The following MALRD1 variants were observed in gnomAD, a reference collection of about 807,000 sequenced individuals.
MALRD1 encodes the protein MAM and LDL receptor class A domain containing 1.
Under a neutral mutation model 242.1 loss-of-function variants are expected in MALRD1, and 247 were observed. That is an observed-to-expected ratio of 1.02 (90% CI 0.92 to 1.13). MALRD1 has a LOEUF of 1.13. MALRD1 is among the 50% of genes most tolerant of loss of function. The probability of loss-of-function intolerance (pLI) is 0.00; values close to 1 mark genes in which losing one functional copy is unlikely to be tolerated. For synonymous variants in MALRD1, 995 were observed against 866.6 expected (o/e 1.15, Z -2.60); for missense variants, 2,989 against 2,533.1 (o/e 1.18, Z -3.86).
At chr10:19,289,860 G>A (rs1234243609) in intron 21 of MALRD1, among the ~76,000 whole-genome samples, 1 of 152,120 alleles carries the variant, frequency 6.6e-6, no homozygotes, top group African/African-American at 2.4e-5. Flanking sequence ...AAAATTGGAA[G>A]GCTTTCTGTC....
At chr10:19,390,548 A>G (rs1846296850) in intron 28 of MALRD1, among the ~76,000 whole-genome samples, 1 of 152,246 alleles carries the variant, frequency 6.6e-6, no homozygotes, top group Non-Finnish European at 1.5e-5. Flanking sequence ...CTCTTTACTG[A>G]GTTAAAACAG....
intron 38 of MALRD1, among the ~76,000 whole-genome samples, chr10:19,712,658 A>G (rs767490695): frequency 7.2e-5 from 11 of 152,218 alleles, no homozygotes; most frequent in Middle Eastern, 3.2e-3. Context: ...ATGTGTCTCA[A>G]AGAACCCAAT....
chr10:19,327,510 C>A, intron 22 of MALRD1, 53 bp from the exon 23 acceptor site: 5 of 1,362,384 alleles, frequency 3.7e-6, no homozygotes, highest in Non-Finnish European at 5.0e-6. Context: ...TACATGTTTG[C>A]AATTTCTCAA....
chr10:19,171,611 CAT>C (rs61674193), intron 13 of MALRD1, among the ~76,000 whole-genome samples: 2,742 of 41,332 alleles, frequency 0.066, 70 homozygotes, highest in East Asian at 0.25. Flanking sequence ...TACACACACA[CAT>C]ATATGTCTAT....
chr10:19,181,626 A>G (rs1419805387), intron 14 of MALRD1, among the ~76,000 whole-genome samples: 1 of 152,180 alleles, frequency 6.6e-6, no homozygotes, highest in Non-Finnish European at 1.5e-5. Context: ...CTAGAGATGT[A>G]ATGTACAACG....
At chr10:19,714,620 C>G (rs1163889916) in intron 38 of MALRD1, among the ~76,000 whole-genome samples, 1 of 152,146 alleles carries the variant, frequency 6.6e-6, no homozygotes, top group Admixed American at 6.5e-5. Flanking sequence ...AGGGACCTGC[C>G]TTTTCTACCC....
intron 29 of MALRD1, among the ~76,000 whole-genome samples, chr10:19,470,088 C>T (rs1283076857): frequency 6.6e-6 from 1 of 152,004 alleles, no homozygotes; most frequent in African/African-American, 2.4e-5. Flanking sequence ...CTTTGTACCC[C>T]TTAAACATTA....
chr10:19,209,735 A>C (rs1205895905), intron 18 of MALRD1, 55 bp downstream of exon 18: 2 of 1,421,700 alleles, frequency 1.4e-6, no homozygotes, highest in Non-Finnish European at 1.9e-6. Context: ...ATGTCTAAGG[A>C]ATATGAAAGA....
chr10:19,305,275 G>A (rs979193099), intron 21 of MALRD1, among the ~76,000 whole-genome samples: 2 of 151,606 alleles, frequency 1.3e-5, no homozygotes, highest in African/African-American at 4.8e-5. Context: ...TAACATTAAT[G>A]TGCAGTACTA....
intron 38 of MALRD1, among the ~76,000 whole-genome samples, chr10:19,693,229 A>G (rs941479235): frequency 2.6e-5 from 4 of 151,902 alleles, no homozygotes; most frequent in Admixed American, 6.6e-5. Flanking sequence ...GGCCAGGGCA[A>G]TCAGGCAGGA....
At chr10:19,538,696 C>T (rs1834794163) in intron 32 of MALRD1, among the ~76,000 whole-genome samples, 2 of 151,782 alleles carry the variant, frequency 1.3e-5, no homozygotes, top group African/African-American at 4.8e-5. Context: ...TTTATTACTC[C>T]AAACTTAAAG....
chr10:19,079,952 C>T (rs1283249250), intron 2 of MALRD1, among the ~76,000 whole-genome samples: 1 of 151,972 alleles, frequency 6.6e-6, no homozygotes, highest in African/African-American at 2.4e-5. Flanking sequence ...GCAAAAATTG[C>T]TAGCACTCCT....
At chr10:19,638,311 A>G (rs1453206683) in intron 36 of MALRD1, among the ~76,000 whole-genome samples, 1 of 152,062 alleles carries the variant, frequency 6.6e-6, no homozygotes, top group African/African-American at 2.4e-5. Flanking sequence ...TTACAGACAC[A>G]GGGAAAACAA....
chr10:19,077,144 T>A (rs1393248219), intron 2 of MALRD1, among the ~76,000 whole-genome samples: 1 of 151,980 alleles, frequency 6.6e-6, no homozygotes, highest in Non-Finnish European at 1.5e-5. Context: ...ATTGATTTTA[T>A]ATCCTATATA....
chr10:19,445,572 C>G (rs1834925537), intron 28 of MALRD1, among the ~76,000 whole-genome samples: 1 of 152,206 alleles, frequency 6.6e-6, no homozygotes, highest in Non-Finnish European at 1.5e-5. Flanking sequence ...GAGGTCTACT[C>G]CAGACCCTGT....
chr10:19,264,886 T>C (rs1839911586), intron 19 of MALRD1, among the ~76,000 whole-genome samples: 1 of 152,206 alleles, frequency 6.6e-6, no homozygotes, highest in East Asian at 1.9e-4. Context: ...CCTGGACTTT[T>C]CTTTGGTGGG....
chr10:19,618,783 G>A (rs1404458239), intron 36 of MALRD1, among the ~76,000 whole-genome samples: 3 of 151,800 alleles, frequency 2.0e-5, no homozygotes, highest in African/African-American at 7.3e-5. Flanking sequence ...TTTTCGTCTT[G>A]GCAGTGTTTA....
intron 33 of MALRD1, among the ~76,000 whole-genome samples, chr10:19,574,100 T>G (rs1182423277): frequency 2.0e-5 from 3 of 152,190 alleles, no homozygotes; most frequent in Non-Finnish European, 2.9e-5. Flanking sequence ...TCAAGGGGAA[T>G]AGTACAAATT....
At chr10:19,440,510 C>T (rs144125016) in intron 28 of MALRD1, among the ~76,000 whole-genome samples, 1 of 152,228 alleles carries the variant, frequency 6.6e-6, no homozygotes, top group East Asian at 1.9e-4. Flanking sequence ...AACCCCACAA[C>T]AGGACCCGAT....
Sources: allele counts gnomAD v4.1 joint callset (sites outside exome capture counted in the v4.1 genomes callset), GRCh38; gene constraint gnomAD v4.1.1; transcripts MANE v1.5; gene names NCBI Gene and HGNC (gene_info 2026-07-23, HGNC 2026-07-21).